The following UBE2V2 variants were observed in gnomAD, a reference collection of about 807,000 sequenced individuals.
The protein encoded by UBE2V2 is ubiquitin conjugating enzyme E2 V2.
In UBE2V2, 9 loss-of-function variants were observed where a neutral mutation model predicts 17.2. That is an observed-to-expected ratio of 0.52 (90% CI 0.32 to 0.91). The LOEUF (loss-of-function observed/expected upper bound fraction) is 0.91, where lower values mean the gene tolerates loss of function less well. Ranked by LOEUF, UBE2V2 falls within the 40% of genes least tolerant of loss-of-function variation. The probability of loss-of-function intolerance (pLI) is 0.04; values close to 1 mark genes in which losing one functional copy is unlikely to be tolerated. For synonymous variants in UBE2V2, 61 were observed against 57.5 expected (o/e 1.06, Z -0.28); for missense variants, 133 against 182.6 (o/e 0.73, Z 1.56).
intron 2 of UBE2V2, 83 bp from the exon 3 acceptor site, chr8:48,049,770 T>C: frequency 7.6e-7 from 1 of 1,309,810 alleles, no homozygotes; most frequent in Non-Finnish European, 1.1e-6. Context: ...CATATTGTAC[T>C]TTCCCTTTTT....
At chr8:48,035,631 T>TGTG (rs1554657540) in intron 1 of UBE2V2, among the ~76,000 whole-genome samples, 101 of 109,544 alleles carry the variant, frequency 9.2e-4, no homozygotes, top group East Asian at 4.2e-3. Context: ...TTTTTTTTTT[T>TGTG]TGTGTGTGTG....
chr8:48,025,069 G>A (rs2154507123), intron 1 of UBE2V2, among the ~76,000 whole-genome samples: 1 of 151,888 alleles, frequency 6.6e-6, no homozygotes, highest in Non-Finnish European at 1.5e-5. Context: ...CGAGTAGCTG[G>A]AACTACAGGC....
rs994744945 is a variant in UBE2V2 at position 48,060,978 on chromosome 8, T to C, written c.*150T>C. On this transcript the variant is annotated 3_prime_UTR_variant, in exon 4 of 4. Transcript: ENST00000523111. ...CATTTGTAAGAATATATTTAATATATGTACACCCATTATGTTTTCAGGTAA... is the reference window on the plus strand; with the variant it reads ...CATTTGTAAGAATATATTTAATATACGTACACCCATTATGTTTTCAGGTAA... The C allele has an allele frequency of 1.2e-4, 88 of 705,284 alleles. No homozygotes were observed. The African/African-American group carries it at 1.5e-3, about 12-fold the overall frequency. The allele number at this position is 705,284 out of a possible 1,614,324, so 43.7% of individuals were successfully genotyped here.
intron 1 of UBE2V2, among the ~76,000 whole-genome samples, chr8:48,017,002 G>C (rs549461071): frequency 1.2e-4 from 18 of 151,812 alleles, no homozygotes; most frequent in African/African-American, 4.3e-4. Context: ...GCCAGGCTAG[G>C]CTGGTCTCAA....
At chr8:48,007,599 G>C (rs536052379), upstream of UBE2V2, among the ~76,000 whole-genome samples, 1 of 137,060 alleles carries the variant, frequency 7.3e-6, no homozygotes, top group South Asian at 2.3e-4. Flanking sequence ...GTTTTATGTA[G>C]AGACTAGGTA....
chr8:48,035,821 G>A (rs1484675779), intron 1 of UBE2V2, among the ~76,000 whole-genome samples: 1 of 150,730 alleles, frequency 6.6e-6, no homozygotes, highest in African/African-American at 2.4e-5. Flanking sequence ...AACTCATGAG[G>A]CGGAGGTTGC....
At chr8:48,001,779 C>T in the UBE2V2 span, among the ~76,000 whole-genome samples, 1 of 152,192 alleles carries the variant, frequency 6.6e-6, no homozygotes, top group Non-Finnish European at 1.5e-5. Flanking sequence ...AGCAAGAAAG[C>T]AAATAACCTG....
chr8:48,054,986 AT>A (rs1230240452), intron 3 of UBE2V2, among the ~76,000 whole-genome samples: 2 of 138,844 alleles, frequency 1.4e-5, no homozygotes, highest in African/African-American at 5.4e-5. Context: ...ACTTATGTTT[AT>A]TTAACTACCA....
intron 2 of UBE2V2, among the ~76,000 whole-genome samples, chr8:48,044,502 T>C (rs1335837266): frequency 6.6e-6 from 1 of 152,214 alleles, no homozygotes; most frequent in African/African-American, 2.4e-5. Flanking sequence ...ACATTAATTA[T>C]AGAGAATGAA....
chr8:48,047,778 C>T (rs1020760512), intron 2 of UBE2V2, among the ~76,000 whole-genome samples: 2 of 152,012 alleles, frequency 1.3e-5, no homozygotes, highest in Admixed American at 6.6e-5. Context: ...GAACTCCTGA[C>T]CTCAGGCAGT....
chr8:48,028,752 T>G (rs1201856836), intron 1 of UBE2V2, among the ~76,000 whole-genome samples: 1 of 152,052 alleles, frequency 6.6e-6, no homozygotes, highest in Non-Finnish European at 1.5e-5. Flanking sequence ...TCCCAAAGTG[T>G]TGGGATTACA....
intron 1 of UBE2V2, among the ~76,000 whole-genome samples, chr8:48,034,405 G>A (rs1472803306): frequency 6.6e-6 from 1 of 152,116 alleles, no homozygotes; most frequent in African/African-American, 2.4e-5. Flanking sequence ...GATTACAGGC[G>A]TGAGCCACCG....
intron 1 of UBE2V2, among the ~76,000 whole-genome samples, chr8:48,040,174 T>C (rs948801325): frequency 7.2e-5 from 11 of 152,120 alleles, no homozygotes; most frequent in African/African-American, 2.4e-4. Context: ...TGCTCTTGTG[T>C]GTACTCTCTC....
chr8:48,046,582 A>G (rs1159493396), intron 2 of UBE2V2, among the ~76,000 whole-genome samples: 5 of 152,114 alleles, frequency 3.3e-5, no homozygotes, highest in Non-Finnish European at 5.9e-5. Flanking sequence ...AACATGTTAC[A>G]TGGTTCGTTG....
chr8:48,047,749 T>C (rs1254117895), intron 2 of UBE2V2, among the ~76,000 whole-genome samples: 1 of 152,054 alleles, frequency 6.6e-6, no homozygotes, highest in Non-Finnish European at 1.5e-5. Flanking sequence ...GGTTTCACCA[T>C]GTTGGCCAGG....
At chr8:48,018,255 T>C (rs552627181) in intron 1 of UBE2V2, among the ~76,000 whole-genome samples, 1 of 152,224 alleles carries the variant, frequency 6.6e-6, no homozygotes, top group Non-Finnish European at 1.5e-5. Context: ...AAACTGTTCC[T>C]GTTTGCAGAA....
At position 48,043,167 on chromosome 8, in the gene UBE2V2, A is replaced by T; in HGVS notation, c.151A>T (p.Ile51Phe). ...MTLTRWTGMI[I>F]GPPRTNYENR... ...ACTTACAAGGTGGACAGGCATGATT[A>T]TTGGGCCACCAAGGGTCAGTGTTAT... The change falls in exon 2 of 4, where the codon ATT (isoleucine) becomes TTT (phenylalanine). Residue 51 changes from isoleucine (I) to phenylalanine (F), a missense_variant. Physicochemically the swap from Ile to Phe is conservative, Grantham distance 21. This residue lies in a region of UBE2V2 where 92 missense variants were observed against 124.3 expected (regional missense o/e 0.74). Transcript: ENST00000523111. 6.5e-7 allele frequency: 1 copy of T among 1,541,356 alleles called. No homozygotes were observed. Among genetic ancestry groups the T allele is most frequent in the Non-Finnish European group, 8.8e-7 (1 of 1,142,502 alleles).
At chr8:48,009,726 C>T (rs576171182) in intron 1 of UBE2V2, among the ~76,000 whole-genome samples, 1 of 152,276 alleles carries the variant, frequency 6.6e-6, no homozygotes, top group South Asian at 2.1e-4. Context: ...AGTAATACCT[C>T]AGGATACATT....
At chr8:48,013,546 T>C (rs2091247806) in intron 1 of UBE2V2, among the ~76,000 whole-genome samples, 1 of 152,054 alleles carries the variant, frequency 6.6e-6, no homozygotes, top group Non-Finnish European at 1.5e-5. Flanking sequence ...CCTGACCTCG[T>C]GATCCATCCG....
Sources: allele counts gnomAD v4.1 joint callset (sites outside exome capture counted in the v4.1 genomes callset), GRCh38; gene constraint gnomAD v4.1.1; regional missense constraint gnomAD v4.1.1; transcripts MANE v1.5; gene names NCBI Gene and HGNC (gene_info 2026-07-23, HGNC 2026-07-21).